ADAMTS8: variants seen among roughly 807,000 people sequenced by gnomAD.
ADAMTS8 encodes the protein A disintegrin and metalloproteinase with thrombospondin motifs 8.
ADAMTS8 carries 50 observed loss-of-function variants against 64.4 expected under a neutral mutation model. The ratio of observed to expected loss-of-function variants is 0.78; its 90% CI spans 0.62 to 0.98. The LOEUF is 0.98. ADAMTS8 is among the 50% of genes least tolerant of loss of function. ADAMTS8 has a pLI of 0.00. For missense variants in ADAMTS8, 1,192 were observed against 1,208.2 expected, an observed-to-expected ratio of 0.99 and a Z score of 0.20; for synonymous variants, 556 against 533.6, an observed-to-expected ratio of 1.04 and a Z score of -0.58.
intron 1 of ADAMTS8, among the ~76,000 whole-genome samples, chr11:130,419,714 G>C (rs140075927): frequency 6.6e-6 from 1 of 152,264 alleles, no homozygotes; most frequent in South Asian, 2.1e-4. Context: ...AAGTTCTACT[G>C]GACGGCATGG....
rs117029721 is a variant in ADAMTS8, at chr11:130,414,324, A to T, written c.1566+207T>A. Among the ~76,000 whole-genome samples the T allele has an allele frequency of 0.019, 2,755 of 148,480 alleles. 43 individuals carry two copies. The highest frequency in any genetic ancestry group is 0.029 in the Non-Finnish European group (1,945 of 66,792). On this transcript the variant is annotated intron_variant, in intron 5 of 8. Coordinates refer to ENST00000257359, the MANE Select transcript of ADAMTS8 (RefSeq NM_007037.6). Reference sequence around the variant, plus strand: ...TTTTTTGTACAGACAGGATCTCACTATGTTGCCCAGGCTGGTCTCGGTGCA... The same window carrying T: ...TTTTTTGTACAGACAGGATCTCACTTTGTTGCCCAGGCTGGTCTCGGTGCA...
At chr11:130,414,149 G>T (rs1861989007) in intron 5 of ADAMTS8, among the ~76,000 whole-genome samples, 1 of 147,840 alleles carries the variant, frequency 6.8e-6, no homozygotes, top group Non-Finnish European at 1.5e-5. Flanking sequence ...TTGGAGACAG[G>T]GTCTCCCTCT....
chr11:130,409,576 A>G (rs1861928130), intron 6 of ADAMTS8, among the ~76,000 whole-genome samples: 1 of 152,120 alleles, frequency 6.6e-6, no homozygotes, highest in African/African-American at 2.4e-5. Context: ...GAGCATCTCT[A>G]TCTGCTATTT....
chr11:130,425,279 C>A (rs1862149041), intron 1 of ADAMTS8, among the ~76,000 whole-genome samples: 1 of 152,132 alleles, frequency 6.6e-6, no homozygotes, highest in Admixed American at 6.5e-5. Flanking sequence ...GCTTCAGCAG[C>A]CCGGGCATCC....
In ADAMTS8 at chr11:130,405,642, G is replaced by A. The variant is rs769843029; in HGVS notation, c.2586C>T (p.Pro862=). The change falls in exon 9 of 9, where the codon CCC becomes CCT. Residue 862 remains proline (P), a synonymous_variant. Coordinates refer to ENST00000257359, the MANE Select transcript of ADAMTS8 (RefSeq NM_007037.6). ...WQRRTVECRD[P]SGQASATCNK... ...TGCAGGTGGCAGAGGCCTGGCCGGA[G>A]GGGTCCCTGCACTCTACAGTTCGCC... is the stretch of plus-strand genomic sequence containing the variant. 6.2e-7 allele frequency: 1 copy of A among 1,614,042 alleles called. No homozygotes were observed.
chr11:130,414,233 C>G (rs1335808783), intron 5 of ADAMTS8, among the ~76,000 whole-genome samples: 1 of 151,528 alleles, frequency 6.6e-6, no homozygotes, highest in Non-Finnish European at 1.5e-5. Context: ...AAGTGATCTC[C>G]CTGCCTCCGC....
rs746872638 is a variant in ADAMTS8 at position 130,405,967 on chromosome 11, T to C, written c.2261A>G (p.Glu754Gly). The change falls in exon 9 of 9, where the codon GAG becomes GGG. Residue 754 changes from glutamate (E) to glycine (G), a missense_variant. Coordinates refer to ENST00000257359, the MANE Select transcript of ADAMTS8 (RefSeq NM_007037.6). ...LNGNLAISAI[E>G]QDILVKGTIL... The stretch of plus-strand genomic sequence containing the variant: ...GGTCCCCTTCACCAAGATGTCCTGC[T>C]CTATGGCAGAGATGGCCAGGTTGCC... 1.2e-6 allele frequency: 2 copies of C among 1,614,200 alleles called. No individual in the cohort carries two copies. The highest frequency in any genetic ancestry group is 1.7e-6 in the Non-Finnish European group (2 of 1,180,030).
chr11:130,420,340 G>C (rs1036697154), intron 1 of ADAMTS8, among the ~76,000 whole-genome samples: 1 of 152,178 alleles, frequency 6.6e-6, no homozygotes, highest in South Asian at 2.1e-4. Flanking sequence ...TGGATTCCAA[G>C]GCTTGGAGAG....
At chr11:130,418,920 G>T in intron 2 of ADAMTS8, 133 bp downstream of exon 2, 2 of 1,401,110 alleles carry the variant, frequency 1.4e-6, no homozygotes, top group Non-Finnish European at 1.9e-6. Flanking sequence ...ATCATTCTGG[G>T]CATGAGGCTC....
intron 2 of ADAMTS8, among the ~76,000 whole-genome samples, chr11:130,417,620 C>G (rs1014031580): frequency 1.3e-5 from 2 of 152,102 alleles, no homozygotes; most frequent in East Asian, 3.9e-4. Context: ...TGGCTATTCA[C>G]AGGAGTAATT....
At chr11:130,410,852 A>G (rs1861943140) in intron 6 of ADAMTS8, among the ~76,000 whole-genome samples, 3 of 152,338 alleles carry the variant, frequency 2.0e-5, no homozygotes, top group South Asian at 4.1e-4. Flanking sequence ...GATTCTGTCA[A>G]ACAGTTGCCA....
chr11:130,419,053 C>G lies in ADAMTS8; in HGVS notation c.960G>C (p.Gln320His). ...AGGGCTTCCGGAGCCAGGCACGGAC[C>G]TGTCTGGTGAGCAGGATGGCCGTGT... is the stretch of plus-strand genomic sequence containing the variant. ...HYDTAILLTRQNFCGQEGLCD... is the reference protein window; with the variant it reads ...HYDTAILLTRHNFCGQEGLCD... Residue 320 changes from glutamine (Q) to histidine (H), a missense_variant and splice_region_variant, in exon 2 of 9, where the codon CAG (glutamine) becomes CAC (histidine). By Grantham distance (24) the Gln-to-His change is conservative (BLOSUM62 0). Transcript: ENST00000257359. 6.2e-7 allele frequency: 1 copy of G among 1,614,096 alleles called. No individual in the cohort carries two copies. Among genetic ancestry groups the G allele is most frequent in the South Asian group, 1.1e-5 (1 of 91,074 alleles).
In ADAMTS8 at chr11:130,427,837, C is replaced by T. The variant is rs1290265135; in HGVS notation, c.450G>A (p.Leu150=). The stretch of plus-strand genomic sequence containing the variant: ...GGGCTCCGGCGGGACCCCAGCGCTG[C>T]AGGCGGTGCGGCTGAGCCAGGGAGC... ...AGGSLAQPHR[L]QRWGPAGARP... is the part of the protein sequence containing the mutation. Residue 150 remains leucine, a synonymous_variant, in exon 1 of 9, where the codon CTG becomes CTA. Transcript: ENST00000257359. 6.5e-7 allele frequency: 1 copy of T among 1,545,652 alleles called. No individual in the cohort carries two copies. Among genetic ancestry groups the T allele is most frequent in the South Asian group, 1.2e-5 (1 of 84,316 alleles).
chr11:130,412,139 A>G (rs917441740), intron 5 of ADAMTS8: 1 of 153,498 alleles, frequency 6.5e-6, no homozygotes. Context: ...GTCTAAAGGA[A>G]ACATCCCTGC....
chr11:130,428,067 A>T lies in ADAMTS8; in HGVS notation c.220T>A (p.Phe74Ile). ...FVLRLAPDDS[F>I]LAPEFKIERL... is the part of the protein sequence containing the mutation. Reference sequence around the variant, plus strand: ...TCGATCTTGAACTCGGGCGCTAGGAAGCTGTCGTCGGGCGCCAGGCGCAGC... The same window carrying T: ...TCGATCTTGAACTCGGGCGCTAGGATGCTGTCGTCGGGCGCCAGGCGCAGC... The change falls in exon 1 of 9, where the codon TTC (phenylalanine) becomes ATC (isoleucine). Residue 74 changes from phenylalanine to isoleucine, a missense_variant. This residue lies in a region of ADAMTS8 where 741 missense variants were observed against 710.6 expected (regional missense o/e 1.04). Coordinates refer to ENST00000257359, the MANE Select transcript of ADAMTS8 (RefSeq NM_007037.6). 6.5e-7 allele frequency: 1 copy of T among 1,535,664 alleles called. No homozygotes were observed. The highest frequency in any genetic ancestry group is 1.2e-5 in the South Asian group (1 of 83,958).
In ADAMTS8 at chr11:130,428,353, G is replaced by A; in HGVS notation, c.-67C>T. 8.0e-7 allele frequency: 1 copy of A among 1,244,602 alleles called. No homozygotes were observed. The allele number at this position is 1,244,602 out of a possible 1,614,324, so 77.1% of individuals were successfully genotyped here. A position where few individuals can be genotyped will look rare whatever the true frequency, so the allele number is the denominator to read the frequency against. On this transcript the variant is annotated 5_prime_UTR_variant, in exon 1 of 9. Transcript: ENST00000257359. ...CCGCCAGGCGCGGGCAGGTGCTGGC[G>A]GCCCGAGCGCGGCCCGGCCGCTCTC...
chr11:130,407,462 GAGACAGAC>G (rs909199563), intron 8 of ADAMTS8, among the ~76,000 whole-genome samples: 1 of 152,186 alleles, frequency 6.6e-6, no homozygotes, highest in African/African-American at 2.4e-5. Flanking sequence ...GAGAGATGTA[GAGACAGAC>G]AGACAGACAG....
intron 2 of ADAMTS8, 28 bp from the exon 3 acceptor site, chr11:130,417,103 T>C: frequency 6.2e-7 from 1 of 1,612,474 alleles, no homozygotes; most frequent in Admixed American, 1.7e-5. Flanking sequence ...AGCAAGAGAG[T>C]GCATCAGTGT....
chr11:130,416,686 G>A lies in ADAMTS8; in HGVS notation c.1096+254C>T, dbSNP rs1453413890. Among the ~76,000 whole-genome samples the A allele has an allele frequency of 6.6e-6, 1 of 152,186 alleles. No individual in the cohort carries two copies. The highest frequency in any genetic ancestry group is 1.5e-5 in the Non-Finnish European group (1 of 68,036). ...GCACGTGTCTGGTGTCCTGTGTCCT[G>A]GCATTTGCCCGGTGACCTGTGATAA... On this transcript the variant is annotated intron_variant, in intron 3 of 8. Transcript: ENST00000257359. The surrounding 1 kb of genome is among the most constrained non-coding windows in gnomAD (Gnocchi z 4.8).
Sources: allele counts gnomAD v4.1 joint callset (sites outside exome capture counted in the v4.1 genomes callset), GRCh38; gene constraint gnomAD v4.1.1; regional missense constraint gnomAD v4.1.1; non-coding constraint Gnocchi (gnomAD v3.1); transcripts MANE v1.5; gene names NCBI Gene and HGNC (gene_info 2026-07-23, HGNC 2026-07-21).